Variants in CDK6 observed in about 807,000 individuals in gnomAD.
CDK6 encodes the protein cyclin-dependent kinase 6.
In CDK6, 6 loss-of-function variants were observed where a neutral mutation model predicts 37.1. The ratio of observed to expected loss-of-function variants is 0.16; its 90% confidence interval spans 0.09 to 0.32. CDK6 has a LOEUF of 0.32. Ranked by LOEUF, CDK6 falls within the 10% of genes least tolerant of loss-of-function variation. CDK6 has a pLI of 1.00. For synonymous variants in CDK6, 160 were observed against 161.3 expected (o/e 0.99, Z 0.06); for missense variants, 224 against 418.9 (o/e 0.53, Z 4.06).
At chr7:92,808,648 A>G (rs1800789363) in intron 2 of CDK6, among the ~76,000 whole-genome samples, 1 of 152,196 alleles carries the variant, frequency 6.6e-6, no homozygotes, top group South Asian at 2.1e-4. Context: ...CAATGTCCTG[A>G]GCCCTTCTGA....
chr7:92,804,227 T>C (rs148730368), intron 2 of CDK6, among the ~76,000 whole-genome samples: 68 of 152,326 alleles, frequency 4.5e-4, no homozygotes, highest in African/African-American at 1.6e-3. Context: ...TCCCCTCTTA[T>C]AAGAACCAGT....
intron 2 of CDK6, among the ~76,000 whole-genome samples, chr7:92,795,329 G>A (rs543919845): frequency 3.3e-5 from 5 of 152,120 alleles, no homozygotes; most frequent in African/African-American, 9.6e-5. Flanking sequence ...GGAAAACAAG[G>A]TCCAGAATCT....
chr7:92,814,358 A>T (rs1051595180), intron 2 of CDK6, among the ~76,000 whole-genome samples: 1 of 152,188 alleles, frequency 6.6e-6, no homozygotes, highest in Non-Finnish European at 1.5e-5. Flanking sequence ...ATCTCATGTG[A>T]TCCCAATATT....
chr7:92,826,980 A>C (rs933428318), intron 2 of CDK6, among the ~76,000 whole-genome samples: 6 of 152,142 alleles, frequency 3.9e-5, no homozygotes, highest in Non-Finnish European at 5.9e-5. Context: ...TTTACATCTC[A>C]AGGGATTTTT....
chr7:92,752,136 A>C (rs1176113747), intron 3 of CDK6, among the ~76,000 whole-genome samples: 1 of 152,192 alleles, frequency 6.6e-6, no homozygotes, highest in Non-Finnish European at 1.5e-5. Flanking sequence ...CTCCATCTGT[A>C]AAATAAGGAC....
intron 3 of CDK6, among the ~76,000 whole-genome samples, chr7:92,742,449 T>C (rs1029402237): frequency 6.6e-6 from 1 of 152,210 alleles, no homozygotes; most frequent in Non-Finnish European, 1.5e-5. Flanking sequence ...GACATGACAC[T>C]TGCTGGTTTG....
chr7:92,744,052 A>G (rs781183402), intron 3 of CDK6, among the ~76,000 whole-genome samples: 2 of 152,182 alleles, frequency 1.3e-5, no homozygotes, highest in African/African-American at 2.4e-5. Context: ...TGTCTTTCCA[A>G]TATTTGTCCA....
At position 92,757,485 on chromosome 7, in the gene CDK6, T is replaced by C. The variant is rs1799344287; in HGVS notation, c.369+17211A>G. Among the ~76,000 whole-genome samples the C allele has an allele frequency of 2.0e-5, 3 of 152,204 alleles. No homozygotes were observed. The South Asian group carries it at 6.2e-4, about 32-fold the overall frequency. On this transcript the variant is annotated intron_variant, in intron 3 of 7. Transcript: ENST00000424848. ...CATGTTCCTGCAAAATACATGATCT[T>C]GTTCATTTTTATGGCTGCATAGTAT...
At chr7:92,723,661 T>C (rs1456485466) in intron 4 of CDK6, among the ~76,000 whole-genome samples, 1 of 152,134 alleles carries the variant, frequency 6.6e-6, no homozygotes, top group African/African-American at 2.4e-5. Flanking sequence ...ATTCCAACCG[T>C]CACTCTTTCC....
intron 4 of CDK6, among the ~76,000 whole-genome samples, chr7:92,682,212 C>T (rs893730998): frequency 7.2e-5 from 11 of 152,142 alleles, no homozygotes; most frequent in Non-Finnish European, 1.6e-4. Context: ...TAAAATCCTT[C>T]ATCCATTCTC....
At chr7:92,631,027 C>T (rs368524166) in intron 5 of CDK6, among the ~76,000 whole-genome samples, 70 of 152,280 alleles carry the variant, frequency 4.6e-4, no homozygotes, top group African/African-American at 1.6e-3. Flanking sequence ...TAGAACCTCA[C>T]CATACCACAT....
At chr7:92,636,635 T>G (rs1796176558) in intron 5 of CDK6, among the ~76,000 whole-genome samples, 1 of 152,192 alleles carries the variant, frequency 6.6e-6, no homozygotes, top group Non-Finnish European at 1.5e-5. Context: ...AATTACATTT[T>G]GGTAAAAATA....
chr7:92,832,980 A>T (rs1464413288), intron 2 of CDK6, 111 bp downstream of exon 2: 1 of 724,486 alleles, frequency 1.4e-6, no homozygotes, highest in African/African-American at 1.8e-5. Flanking sequence ...GTCGCGCAGG[A>T]CCTCCCCAGT....
At chr7:92,781,403 A>C (rs909380293) in intron 2 of CDK6, among the ~76,000 whole-genome samples, 1 of 152,214 alleles carries the variant, frequency 6.6e-6, no homozygotes, top group Non-Finnish European at 1.5e-5. Flanking sequence ...ACCCATTGTA[A>C]TTCTTAATGA....
chr7:92,801,159 G>T (rs981749671), intron 2 of CDK6, among the ~76,000 whole-genome samples: 6 of 151,794 alleles, frequency 4.0e-5, no homozygotes, highest in Non-Finnish European at 8.8e-5. Context: ...ATAAACAAAA[G>T]AAAATAGATA....
chr7:92,687,577 T>G (rs1797490863), intron 4 of CDK6, among the ~76,000 whole-genome samples: 1 of 152,212 alleles, frequency 6.6e-6, no homozygotes, highest in Non-Finnish European at 1.5e-5. Flanking sequence ...AATTTATACA[T>G]AATAGCTTAA....
chr7:92,712,880 A>AT (rs755203037), intron 4 of CDK6, among the ~76,000 whole-genome samples: 5 of 151,546 alleles, frequency 3.3e-5, no homozygotes, highest in Admixed American at 6.6e-5. Context: ...GTATGTATGT[A>AT]TTTATTTATT....
chr7:92,686,624 T>C (rs949736665), intron 4 of CDK6, among the ~76,000 whole-genome samples: 9 of 152,170 alleles, frequency 5.9e-5, no homozygotes, highest in Admixed American at 2.6e-4. Context: ...GTACAACTTA[T>C]TTTCCTTTGG....
At chr7:92,667,385 T>TG (rs1796981363) in intron 5 of CDK6, among the ~76,000 whole-genome samples, 2 of 151,864 alleles carry the variant, frequency 1.3e-5, no homozygotes, top group East Asian at 1.9e-4. Context: ...TTTGCAGAGA[T>TG]GGGGGTCTCA....
Sources: allele counts gnomAD v4.1 joint callset (sites outside exome capture counted in the v4.1 genomes callset), GRCh38; gene constraint gnomAD v4.1.1; transcripts MANE v1.5; gene names NCBI Gene and HGNC (gene_info 2026-07-23, HGNC 2026-07-21).